MGAT5: variants seen among roughly 807,000 people sequenced by gnomAD.
MGAT5 encodes alpha-1,6-mannosylglycoprotein 6-beta-N-acetylglucosaminyltransferase A.
Under a neutral mutation model 94.3 loss-of-function variants are expected in MGAT5, and 30 were observed. That is an observed-to-expected ratio of 0.32 (90% CI 0.24 to 0.43). The LOEUF is 0.43. Among genes scored for constraint, MGAT5 ranks in the 20% least tolerant of loss-of-function variants. The pLI is 1.00. For missense variants in MGAT5, 691 were observed against 905.5 expected (o/e 0.76, Z 3.04); for synonymous variants, 310 against 322.9 (o/e 0.96, Z 0.43).
chr2:134,128,972 G>C (rs1192264061), intron 1 of MGAT5, among the ~76,000 whole-genome samples: 2 of 152,100 alleles, frequency 1.3e-5, no homozygotes, highest in East Asian at 3.8e-4. Context: ...AAGTGTGACT[G>C]TTCTATTTCC....
At chr2:134,187,787 T>G (rs1689120527) in intron 1 of MGAT5, among the ~76,000 whole-genome samples, 1 of 152,240 alleles carries the variant, frequency 6.6e-6, no homozygotes, top group African/African-American at 2.4e-5. Flanking sequence ...AATTTTTATT[T>G]GAAAAATTTC....
intron 12 of MGAT5, 89 bp downstream of exon 12, chr2:134,413,104 A>G: frequency 7.1e-7 from 1 of 1,405,214 alleles, no homozygotes. Context: ...TTCATCTAAC[A>G]TGATTGGGTG....
chr2:134,377,772 G>A (rs1033576254), intron 10 of MGAT5, among the ~76,000 whole-genome samples: 1 of 152,120 alleles, frequency 6.6e-6, no homozygotes, highest in African/African-American at 2.4e-5. Flanking sequence ...CTCTTTTCAT[G>A]TTGAGTACTT....
chr2:134,307,872 A>G (rs77521116), intron 2 of MGAT5, among the ~76,000 whole-genome samples: 5,707 of 152,144 alleles, frequency 0.038, 256 homozygotes, highest in East Asian at 0.12. Context: ...TTTTAGAATC[A>G]CTTGAGGTTG....
chr2:134,380,821 A>G lies in MGAT5; in HGVS notation c.1380+18413A>G, dbSNP rs537418873. 3.3e-5 allele frequency among the ~76,000 whole-genome samples: 5 copies of G among 152,362 alleles called. No individual in the cohort carries two copies. The South Asian group carries it at 8.3e-4, about 25-fold the overall frequency. ...CTGGTTTCATTCATTGACAGTACAT[A>G]CAACTGTAGAGCAGACACTGTTGTA... On this transcript the variant is annotated intron_variant, in intron 10 of 15. Coordinates refer to ENST00000281923, the MANE Select transcript of MGAT5 (RefSeq NM_002410.5).
At chr2:134,417,578 T>C (rs1684053090) in intron 12 of MGAT5, among the ~76,000 whole-genome samples, 1 of 152,182 alleles carries the variant, frequency 6.6e-6, no homozygotes, top group South Asian at 2.1e-4. Context: ...TTTGAAGTTA[T>C]GCATTTTTGG....
At chr2:134,357,397 AT>A (rs1679815504) in intron 9 of MGAT5, among the ~76,000 whole-genome samples, 1 of 152,186 alleles carries the variant, frequency 6.6e-6, no homozygotes, top group Admixed American at 6.5e-5. Flanking sequence ...TATTTGCATG[AT>A]CAAATTGAAT....
At chr2:134,186,081 G>C (rs1689003092) in intron 1 of MGAT5, among the ~76,000 whole-genome samples, 1 of 152,232 alleles carries the variant, frequency 6.6e-6, no homozygotes, top group South Asian at 2.1e-4. Context: ...GCAACTTGAG[G>C]GAAAGAAAGC....
intron 2 of MGAT5, among the ~76,000 whole-genome samples, chr2:134,275,692 G>A (rs1171884216): frequency 1.4e-5 from 2 of 142,978 alleles, no homozygotes; most frequent in African/African-American, 2.7e-5. Flanking sequence ...CCCACCCCCT[G>A]CCGCCTCAGC....
intron 1 of MGAT5, among the ~76,000 whole-genome samples, chr2:134,262,512 G>C (rs541049855): frequency 6.6e-6 from 1 of 152,050 alleles, no homozygotes; most frequent in East Asian, 1.9e-4. Flanking sequence ...CAGAGTAGCT[G>C]GGACTATAGG....
intron 1 of MGAT5, among the ~76,000 whole-genome samples, chr2:134,236,797 A>T (rs1298786443): frequency 1.3e-5 from 2 of 151,896 alleles, no homozygotes; most frequent in East Asian, 3.9e-4. Context: ...TGGTTGGAGG[A>T]TGTTTCTAAG....
At chr2:134,134,976 A>G (rs79900376) in intron 1 of MGAT5, among the ~76,000 whole-genome samples, 1 of 152,246 alleles carries the variant, frequency 6.6e-6, no homozygotes, top group African/African-American at 2.4e-5. Context: ...TTGGAAACTC[A>G]TGTTACCTGT....
chr2:134,163,804 AGG>A (rs1162576727), intron 1 of MGAT5, among the ~76,000 whole-genome samples: 1 of 152,218 alleles, frequency 6.6e-6, no homozygotes, highest in Admixed American at 6.5e-5. Flanking sequence ...GTTTGAGTCG[AGG>A]GGCTGTCAAA....
At chr2:134,316,351 G>A (rs547563000) in intron 2 of MGAT5, among the ~76,000 whole-genome samples, 3 of 152,108 alleles carry the variant, frequency 2.0e-5, no homozygotes, top group Non-Finnish European at 2.9e-5. Flanking sequence ...TCCTTGAACG[G>A]CATCGTTAGA....
chr2:134,187,144 T>A (rs1689083716), intron 1 of MGAT5, among the ~76,000 whole-genome samples: 1 of 152,154 alleles, frequency 6.6e-6, no homozygotes, highest in Admixed American at 6.5e-5. Context: ...GTAGTGCCCG[T>A]ATATGGAAAG....
intron 9 of MGAT5, among the ~76,000 whole-genome samples, chr2:134,358,096 A>G (rs1679863091): frequency 6.6e-6 from 1 of 152,040 alleles, no homozygotes; most frequent in African/African-American, 2.4e-5. Flanking sequence ...AATAGAAGAA[A>G]TGTTACTAGA....
intron 1 of MGAT5, among the ~76,000 whole-genome samples, chr2:134,230,786 A>G (rs1681317926): frequency 6.6e-6 from 1 of 151,752 alleles, no homozygotes; most frequent in African/African-American, 2.4e-5. Flanking sequence ...CATATGACCC[A>G]GTAATTCTAC....
chr2:134,431,932 C>T (rs995253074), intron 14 of MGAT5, among the ~76,000 whole-genome samples: 5 of 152,212 alleles, frequency 3.3e-5, no homozygotes, highest in East Asian at 1.9e-4. Context: ...AAACCACTTG[C>T]TCTTTTCTCT....
At chr2:134,135,958 A>G (rs944161813) in intron 1 of MGAT5, among the ~76,000 whole-genome samples, 1 of 152,206 alleles carries the variant, frequency 6.6e-6, no homozygotes, top group South Asian at 2.1e-4. Context: ...TAACTGCACA[A>G]GGTTTCAGGG....
Sources: gnomAD v4.1 joint callset for allele counts (sites outside exome capture counted in the v4.1 genomes callset) on GRCh38, gnomAD v4.1.1 for gene constraint, MANE v1.5 for transcripts, NCBI Gene and HGNC (gene_info 2026-07-23, HGNC 2026-07-21) for gene names.